The following RBFOX1 variants were observed in gnomAD, a reference collection of about 807,000 sequenced individuals.
RBFOX1 encodes the protein RNA binding protein fox-1 homolog 1.
Under a neutral mutation model 57.7 loss-of-function variants are expected in RBFOX1, and 8 were observed. The ratio of observed to expected loss-of-function variants is 0.14; its 90% CI spans 0.08 to 0.25. RBFOX1 has a LOEUF of 0.25. RBFOX1 is among the 10% of genes least tolerant of loss of function. The pLI is 1.00. For synonymous variants in RBFOX1, 326 were observed against 222.4 expected (o/e 1.47, Z -4.15); for missense variants, 611 against 548.5 (o/e 1.11, Z -1.14).
intron 4 of RBFOX1, among the ~76,000 whole-genome samples, chr16:7,332,534 T>C (rs1244013245): frequency 6.6e-6 from 1 of 152,158 alleles, no homozygotes; most frequent in Non-Finnish European, 1.5e-5. Context: ...ATCACATTAA[T>C]TTACATTTCT....
chr16:5,939,090 C>G (rs1021950035), intron 4 of RBFOX1, among the ~76,000 whole-genome samples: 3 of 148,468 alleles, frequency 2.0e-5, no homozygotes, highest in Admixed American at 6.7e-5. Context: ...CACTGCGTGT[C>G]GTGGGGTTGG....
At chr16:6,518,773 A>ATCCG (rs1430925428) in intron 2 of RBFOX1, among the ~76,000 whole-genome samples, 8 of 77,366 alleles carry the variant, frequency 1.0e-4, no homozygotes, top group Non-Finnish European at 2.1e-4. Flanking sequence ...CTATCTATCC[A>ATCCG]TCTGTCTGTC....
intron 3 of RBFOX1, among the ~76,000 whole-genome samples, chr16:6,706,203 C>G (rs1051921412): frequency 6.6e-6 from 1 of 152,134 alleles, no homozygotes; most frequent in African/African-American, 2.4e-5. Flanking sequence ...GCCCTAAATT[C>G]CTCTCCTTAG....
intron 1 of RBFOX1, among the ~76,000 whole-genome samples, chr16:5,419,267 G>A (rs902610934): frequency 2.0e-4 from 30 of 152,296 alleles, no homozygotes; most frequent in African/African-American, 6.7e-4. Flanking sequence ...GCCATAGTAG[G>A]CCGTCTACAA....
At chr16:7,065,541 A>T (rs2153752105) in intron 4 of RBFOX1, among the ~76,000 whole-genome samples, 1 of 152,330 alleles carries the variant, frequency 6.6e-6, no homozygotes, top group Admixed American at 6.5e-5. Context: ...GACAAATTAA[A>T]ATGGTATATC....
chr16:5,494,871 C>T (rs369063219), intron 2 of RBFOX1, among the ~76,000 whole-genome samples: 2 of 152,168 alleles, frequency 1.3e-5, no homozygotes, highest in East Asian at 3.8e-4. Flanking sequence ...CCTCAGTGGA[C>T]CCCTGTTTAC....
intron 2 of RBFOX1, among the ~76,000 whole-genome samples, chr16:6,616,977 C>A (rs1051231339): frequency 4.6e-5 from 7 of 152,144 alleles, no homozygotes; most frequent in African/African-American, 1.7e-4. Context: ...GCAACAGAGA[C>A]CTTATGTCCT....
intron 4 of RBFOX1, among the ~76,000 whole-genome samples, chr16:5,968,910 T>G (rs1385399628): frequency 1.3e-5 from 2 of 152,166 alleles, no homozygotes; most frequent in Non-Finnish European, 2.9e-5. Context: ...TTTTAACAGC[T>G]TGATTTACAC....
At chr16:5,344,384 G>A (rs1192168999) in intron 1 of RBFOX1, among the ~76,000 whole-genome samples, 9 of 152,108 alleles carry the variant, frequency 5.9e-5, no homozygotes, top group African/African-American at 2.2e-4. Context: ...ACCTGATTGG[G>A]GATCAAGCTA....
At chr16:7,564,108 G>A (rs1270819665) in intron 5 of RBFOX1, among the ~76,000 whole-genome samples, 2 of 152,124 alleles carry the variant, frequency 1.3e-5, no homozygotes, top group Admixed American at 1.3e-4. Context: ...CCACCAAAGG[G>A]ATGGTGTTTG....
At chr16:6,866,199 C>A (rs67712146) in intron 3 of RBFOX1, among the ~76,000 whole-genome samples, 23,355 of 151,834 alleles carry the variant, frequency 0.15, 2,520 homozygotes, top group African/African-American at 0.3. Flanking sequence ...TCTGGTAGTT[C>A]TTTATTACTT....
chr16:7,356,042 G>A (rs1169024533), intron 4 of RBFOX1, among the ~76,000 whole-genome samples: 7 of 152,216 alleles, frequency 4.6e-5, no homozygotes, highest in Non-Finnish European at 8.8e-5. Context: ...AAGCTCCAAC[G>A]AGTTCTCTCT....
chr16:5,347,279 G>C (rs184328852), intron 1 of RBFOX1, among the ~76,000 whole-genome samples: 1 of 152,176 alleles, frequency 6.6e-6, no homozygotes, highest in Admixed American at 6.5e-5. Context: ...TATACATTCA[G>C]TGCTGTATAT....
chr16:6,567,202 T>C (rs2097278905), intron 2 of RBFOX1, among the ~76,000 whole-genome samples: 1 of 152,216 alleles, frequency 6.6e-6, no homozygotes, highest in Non-Finnish European at 1.5e-5. Flanking sequence ...CAGACTATTT[T>C]AAATGGGGAA....
rs1388292996 is a variant in RBFOX1 at position 5,526,881 on chromosome 16, CTGTT to C, written c.258+59631_258+59634del. On this transcript the variant is annotated intron_variant, in intron 2 of 2. Coordinates refer to the RBFOX1 transcript ENST00000585867. ...TCCTTGCATGGGAATCTACTGCTGG[CTGTT>C]TGTGTGACCTTGGGCACATTTGCTC... is the stretch of plus-strand genomic sequence containing the variant. 2.0e-5 allele frequency among the ~76,000 whole-genome samples: 3 copies of C among 152,150 alleles called. No homozygotes were observed. The East Asian group carries it at 5.8e-4, about 29-fold the overall frequency.
intron 1 of RBFOX1, among the ~76,000 whole-genome samples, chr16:5,466,021 A>G (rs1397195394): frequency 6.6e-6 from 1 of 152,168 alleles, no homozygotes; most frequent in Non-Finnish European, 1.5e-5. Context: ...CTGGGCAGGA[A>G]GAGGAGGTGC....
At chr16:5,308,113 G>A (rs1012124299) in intron 1 of RBFOX1, among the ~76,000 whole-genome samples, 1 of 152,128 alleles carries the variant, frequency 6.6e-6, no homozygotes, top group Non-Finnish European at 1.5e-5. Flanking sequence ...GCTGAGGTGG[G>A]CGGATTACTT....
intron 4 of RBFOX1, among the ~76,000 whole-genome samples, chr16:7,447,449 A>AG (rs1555461271): frequency 1.3e-5 from 2 of 151,364 alleles, no homozygotes; most frequent in Admixed American, 6.6e-5. Flanking sequence ...AAAAAAAAAA[A>AG]AGAGAGATTC....
intron 1 of RBFOX1, among the ~76,000 whole-genome samples, chr16:5,371,022 A>T (rs539636006): frequency 6.6e-6 from 1 of 152,314 alleles, no homozygotes; most frequent in South Asian, 2.1e-4. Flanking sequence ...ATCTTGGCTC[A>T]CTGCAACCTC....
Sources: allele counts gnomAD v4.1 joint callset (sites outside exome capture counted in the v4.1 genomes callset), GRCh38; gene constraint gnomAD v4.1.1; transcripts MANE v1.5; gene names NCBI Gene and HGNC (gene_info 2026-07-23, HGNC 2026-07-21).